Variants in ZBTB7C observed in about 807,000 individuals in gnomAD.
ZBTB7C encodes the protein zinc finger and BTB domain containing 7C.
In ZBTB7C, 8 loss-of-function variants were observed where a neutral mutation model predicts 25.7. The ratio of observed to expected loss-of-function variants is 0.31; its 90% CI spans 0.18 to 0.56. The LOEUF is 0.56. Ranked by LOEUF, ZBTB7C falls within the 20% of genes least tolerant of loss-of-function variation. ZBTB7C has a pLI of 0.91. For missense variants in ZBTB7C, 824 were observed against 855.2 expected, an observed-to-expected ratio of 0.96 and a Z score of 0.46; for synonymous variants, 394 against 369.0, an observed-to-expected ratio of 1.07 and a Z score of -0.78.
intron 1 of ZBTB7C, among the ~76,000 whole-genome samples, chr18:48,402,515 G>T (rs1351556017): frequency 1.3e-5 from 2 of 152,180 alleles, no homozygotes; most frequent in Non-Finnish European, 2.9e-5. Context: ...TGGAAGGGGG[G>T]AAGGACAACT....
At chr18:48,181,330 GAA>G (rs1599048689) in intron 3 of ZBTB7C, among the ~76,000 whole-genome samples, 1 of 152,336 alleles carries the variant, frequency 6.6e-6, no homozygotes, top group East Asian at 1.9e-4. Flanking sequence ...CAGTGCATAA[GAA>G]AAGAGTGTTT....
At chr18:48,202,955 G>A (rs1029958595) in intron 2 of ZBTB7C, among the ~76,000 whole-genome samples, 5 of 151,728 alleles carry the variant, frequency 3.3e-5, no homozygotes, top group Non-Finnish European at 7.4e-5. Flanking sequence ...CCCCACCTAC[G>A]CCCCTGGCCT....
intron 1 of ZBTB7C, among the ~76,000 whole-genome samples, chr18:48,377,203 A>C (rs1253570652): frequency 1.3e-5 from 2 of 152,172 alleles, no homozygotes; most frequent in South Asian, 4.1e-4. Context: ...CTGTTTGTTC[A>C]TGCTGCAAGT....
At chr18:48,376,131 T>C (rs777566496) in intron 1 of ZBTB7C, among the ~76,000 whole-genome samples, 7 of 152,260 alleles carry the variant, frequency 4.6e-5, no homozygotes, top group Non-Finnish European at 8.8e-5. Context: ...GACCACACTT[T>C]GAATCTAAGA....
chr18:48,091,677 C>T (rs1408508148), intron 3 of ZBTB7C, among the ~76,000 whole-genome samples: 2 of 152,166 alleles, frequency 1.3e-5, no homozygotes, highest in African/African-American at 4.8e-5. Context: ...GGTGAGGAGA[C>T]AGCTTCGGAC....
At chr18:48,191,395 C>T (rs1005288472) in intron 2 of ZBTB7C, among the ~76,000 whole-genome samples, 2 of 152,150 alleles carry the variant, frequency 1.3e-5, no homozygotes, top group Non-Finnish European at 2.9e-5. Flanking sequence ...TACCAGCAAA[C>T]GGGGCATAAT....
At chr18:48,126,901 AAGAAGGGGGAGCAAAAGAAATAGAG>A (rs2039819655) in intron 3 of ZBTB7C, among the ~76,000 whole-genome samples, 1 of 152,086 alleles carries the variant, frequency 6.6e-6, no homozygotes, top group Admixed American at 6.5e-5. Flanking sequence ...TAGGGCAGGG[AAGAAGGGGGAGCAAAAGAAATAGAG>A]ATGGGAGAGG....
intron 2 of ZBTB7C, among the ~76,000 whole-genome samples, chr18:48,187,059 C>T (rs897799826): frequency 6.6e-6 from 1 of 152,086 alleles, no homozygotes; most frequent in African/African-American, 2.4e-5. Context: ...GATCTGTGTC[C>T]CTGGCAGAGG....
intron 2 of ZBTB7C, among the ~76,000 whole-genome samples, chr18:48,242,024 C>T (rs541417407): frequency 2.6e-5 from 4 of 152,016 alleles, no homozygotes; most frequent in Admixed American, 6.6e-5. Flanking sequence ...ATATTACAAC[C>T]GATACCACAG....
intron 1 of ZBTB7C, among the ~76,000 whole-genome samples, chr18:48,369,367 A>G (rs1198019781): frequency 6.6e-6 from 1 of 152,168 alleles, no homozygotes; most frequent in Non-Finnish European, 1.5e-5. Context: ...AGGCAAGAAA[A>G]AGAAAACAGA....
chr18:48,329,389 G>A (rs966640387), intron 2 of ZBTB7C, among the ~76,000 whole-genome samples: 4 of 152,168 alleles, frequency 2.6e-5, no homozygotes, highest in African/African-American at 4.8e-5. Flanking sequence ...GTTCAGGGGC[G>A]TGCAAAGCTG....
chr18:48,245,332 G>A (rs2043654201), intron 2 of ZBTB7C, among the ~76,000 whole-genome samples: 1 of 151,394 alleles, frequency 6.6e-6, no homozygotes, highest in Non-Finnish European at 1.5e-5. Context: ...AAGGGTGGGA[G>A]GGGAGTGAGG....
At chr18:48,369,536 A>G (rs1446045340) in intron 1 of ZBTB7C, among the ~76,000 whole-genome samples, 2 of 152,284 alleles carry the variant, frequency 1.3e-5, no homozygotes, top group Non-Finnish European at 1.5e-5. Flanking sequence ...TAGGCAGGTT[A>G]CAAGTAAAAG....
At chr18:48,129,115 G>A (rs1028395525) in intron 3 of ZBTB7C, among the ~76,000 whole-genome samples, 3 of 152,110 alleles carry the variant, frequency 2.0e-5, no homozygotes, top group Non-Finnish European at 4.4e-5. Flanking sequence ...GGGTCTCAGC[G>A]GGTGGGGAGA....
At chr18:48,340,218 T>A (rs969090529) in intron 1 of ZBTB7C, among the ~76,000 whole-genome samples, 1 of 152,216 alleles carries the variant, frequency 6.6e-6, no homozygotes, top group South Asian at 2.1e-4. Flanking sequence ...CATTCCTACT[T>A]AGCAAGGAAA....
chr18:48,230,996 C>T (rs2043236708), intron 2 of ZBTB7C, among the ~76,000 whole-genome samples: 1 of 152,214 alleles, frequency 6.6e-6, no homozygotes, highest in South Asian at 2.1e-4. Flanking sequence ...CCTGCTGCCT[C>T]GGCCCCCTCT....
chr18:48,305,451 G>A (rs559812563), intron 2 of ZBTB7C, among the ~76,000 whole-genome samples: 11 of 152,292 alleles, frequency 7.2e-5, no homozygotes, highest in East Asian at 5.8e-4. Flanking sequence ...TGCCCAGACC[G>A]TAGCTTTATG....
chr18:48,229,148 C>G (rs1352760274), intron 2 of ZBTB7C, among the ~76,000 whole-genome samples: 2 of 152,134 alleles, frequency 1.3e-5, no homozygotes, highest in Non-Finnish European at 2.9e-5. Flanking sequence ...ACGTGCCCGC[C>G]CAGGCAGCTT....
intron 2 of ZBTB7C, among the ~76,000 whole-genome samples, chr18:48,271,840 A>G (rs1244064800): frequency 6.6e-6 from 1 of 152,184 alleles, no homozygotes; most frequent in Non-Finnish European, 1.5e-5. Flanking sequence ...GATATTTATT[A>G]AAAACTAATG....
Sources: allele counts gnomAD v4.1 joint callset (sites outside exome capture counted in the v4.1 genomes callset), GRCh38; gene constraint gnomAD v4.1.1; transcripts MANE v1.5; gene names NCBI Gene and HGNC (gene_info 2026-07-23, HGNC 2026-07-21).